Variants in FIBCD1 observed in about 807,000 individuals in gnomAD.
FIBCD1 encodes fibrinogen C domain-containing protein 1.
Under a neutral mutation model 45.1 loss-of-function variants are expected in FIBCD1, and 47 were observed. That is an observed-to-expected ratio of 1.04 (90% CI 0.82 to 1.33). The LOEUF (loss-of-function observed/expected upper bound fraction) is 1.33, where lower values mean the gene tolerates loss of function less well. Ranked by LOEUF, FIBCD1 falls within the 40% of genes most tolerant of loss-of-function variation. The probability of loss-of-function intolerance (pLI) is 0.00; values close to 1 mark genes in which losing one functional copy is unlikely to be tolerated. For missense variants in FIBCD1, 653 were observed against 682.2 expected (o/e 0.96, Z 0.48); for synonymous variants, 313 against 308.1 (o/e 1.02, Z -0.17).
In FIBCD1 at chr9:130,924,984, C is replaced by T. The variant is rs572554784; in HGVS notation, c.553-588G>A. On this transcript the variant is annotated intron_variant, in intron 2 of 6. Transcript: ENST00000372338. ...AGGCTACCAGACATCCCCACCGCTGCCTCTTCCGATCCCGAGCAAGGCTGC... is the reference window on the plus strand; with the variant it reads ...AGGCTACCAGACATCCCCACCGCTGTCTCTTCCGATCCCGAGCAAGGCTGC... 7.9e-5 allele frequency among the ~76,000 whole-genome samples: 12 copies of T among 152,148 alleles called. No individual in the cohort carries two copies. In the South Asian group the frequency reaches 1.2e-3, roughly 16 times the overall value.
chr9:130,927,182 G>A (rs1234602801), intron 2 of FIBCD1, among the ~76,000 whole-genome samples: 1 of 151,982 alleles, frequency 6.6e-6, no homozygotes, highest in Admixed American at 6.6e-5. Flanking sequence ...GGTGGAGGTT[G>A]CAGTAAGCCC....
At chr9:130,907,625 C>T (rs563322006) in intron 5 of FIBCD1, among the ~76,000 whole-genome samples, 12 of 152,162 alleles carry the variant, frequency 7.9e-5, no homozygotes, top group African/African-American at 1.9e-4. Context: ...AAAGCCTGGG[C>T]GCGGTGGCTT....
At chr9:130,939,837 C>G (rs1278957140), upstream of FIBCD1, among the ~76,000 whole-genome samples, 1 of 152,086 alleles carries the variant, frequency 6.6e-6, no homozygotes, top group Non-Finnish European at 1.5e-5. Context: ...TGACAAAGTC[C>G]TTAATCTGCG....
At chr9:130,908,922 T>C (rs1337176481) in intron 5 of FIBCD1, among the ~76,000 whole-genome samples, 1 of 152,006 alleles carries the variant, frequency 6.6e-6, no homozygotes, top group Non-Finnish European at 1.5e-5. Context: ...CGGCCCCGCC[T>C]CACCACCCCA....
intron 2 of FIBCD1, among the ~76,000 whole-genome samples, chr9:130,927,925 T>C (rs1588112053): frequency 6.6e-6 from 1 of 152,222 alleles, no homozygotes; most frequent in South Asian, 2.1e-4. Flanking sequence ...CTTCCCAAAG[T>C]GCTGGGATTA....
chr9:130,931,708 A>C (rs896647426), intron 1 of FIBCD1, among the ~76,000 whole-genome samples: 18 of 152,340 alleles, frequency 1.2e-4, no homozygotes, highest in Admixed American at 5.9e-4. Context: ...CACAAGGGAA[A>C]ACTGAGGCCC....
At chr9:130,939,855 C>G (rs1417450352), upstream of FIBCD1, among the ~76,000 whole-genome samples, 1 of 152,018 alleles carries the variant, frequency 6.6e-6, no homozygotes, top group South Asian at 2.1e-4. Flanking sequence ...GCGCGGCGAA[C>G]GAGCTGCTAT....
intron 4 of FIBCD1, among the ~76,000 whole-genome samples, chr9:130,915,198 CCA>C (rs1832137093): frequency 6.6e-6 from 1 of 152,196 alleles, no homozygotes; most frequent in African/African-American, 2.4e-5. Flanking sequence ...GTCCCTGCAC[CCA>C]CAGTCCTCAG....
chr9:130,904,177 G>A lies in FIBCD1; in HGVS notation c.1273C>T (p.Arg425Cys), dbSNP rs533919875. Residue 425 changes from arginine to cysteine, a missense_variant, in exon 7 of 7, where the codon CGC (arginine) becomes TGC (cysteine). Transcript: ENST00000372338. ...TCGGCATAGGAGGCGTGCGCACCGC[G>A]CAGGTACTGCCCATTGAGGTTGGAC... ...HTSNLNGQYL[R>C]GAHASYADGV... 6.2e-6 allele frequency: 10 copies of A among 1,613,716 alleles called. No individual in the cohort carries two copies. Among genetic ancestry groups the A allele is most frequent in the East Asian group, 2.2e-5 (1 of 44,870 alleles).
intron 1 of FIBCD1, among the ~76,000 whole-genome samples, chr9:130,937,194 T>G (rs1367727110): frequency 1.3e-5 from 2 of 151,788 alleles, no homozygotes; most frequent in Non-Finnish European, 2.9e-5. Context: ...GGGGGAGAAG[T>G]CAGATCTCAG....
rs373795739 is a variant in FIBCD1, at chr9:130,929,682, C to A, written c.437G>T (p.Arg146Leu). The A allele has an allele frequency of 6.9e-6, 11 of 1,603,320 alleles. No homozygotes were observed. The highest frequency in any genetic ancestry group is 9.4e-6 in the Non-Finnish European group (11 of 1,175,728). The change falls in exon 2 of 7, where the codon CGG becomes CTG. Residue 146 changes from arginine to leucine, a missense_variant. By Grantham distance (102) the Arg-to-Leu change is moderately radical. Coordinates refer to ENST00000372338, the MANE Select transcript of FIBCD1 (RefSeq NM_032843.5). Reference protein sequence around the residue: ...LLDTLADQLPRLLARASELQT... With the variant: ...LLDTLADQLPLLLARASELQT... ...CAGCTCTGAGGCTCGGGCCAGCAGC[C>A]GGGGCAGCTGGTCGGCCAGCGTGTC...
At chr9:130,924,691 C>A (rs1832328562) in intron 2 of FIBCD1, among the ~76,000 whole-genome samples, 1 of 152,192 alleles carries the variant, frequency 6.6e-6, no homozygotes, top group Non-Finnish European at 1.5e-5. Context: ...AGGCTGCGTT[C>A]TTCGGCCATC....
Position 130,911,818 on chromosome 9 carries a change from C to T in FIBCD1, c.920G>A (p.Gly307Asp). Reference sequence around the variant, plus strand: ...TAGCCAGTGCTCCCCGGTGAGCCTGCCAAAGCCGTCTCGGTACGCATCCCA... The same window carrying T: ...TAGCCAGTGCTCCCCGGTGAGCCTGTCAAAGCCGTCTCGGTACGCATCCCA... ...RGWDAYRDGF[G>D]RLTGEHWLGL... The change falls in exon 5 of 7, where the codon GGC becomes GAC. Residue 307 changes from glycine to aspartate, a missense_variant. Transcript: ENST00000372338. 6.2e-7 allele frequency: 1 copy of T among 1,604,318 alleles called. No individual in the cohort carries two copies. The highest frequency in any genetic ancestry group is 1.1e-5 in the South Asian group (1 of 89,326).
At chr9:130,925,567 T>G (rs189247182) in intron 2 of FIBCD1, among the ~76,000 whole-genome samples, 226 of 152,198 alleles carry the variant, frequency 1.5e-3, no homozygotes, top group African/African-American at 5.2e-3. Context: ...GCGGGGGGAT[T>G]CAGGAGAGCC....
intron 2 of FIBCD1, 35 bp downstream of exon 2, chr9:130,929,532 C>G: frequency 6.7e-7 from 1 of 1,487,802 alleles, no homozygotes; most frequent in South Asian, 1.4e-5. Context: ...CCCCTCGCCT[C>G]CAGCAAGACC....
intron 4 of FIBCD1, among the ~76,000 whole-genome samples, chr9:130,914,593 A>G (rs1054366312): frequency 1.3e-5 from 2 of 152,182 alleles, no homozygotes; most frequent in African/African-American, 4.8e-5. Context: ...GGGGCAGGTG[A>G]GCTGATGTAC....
rs553113758 is a variant in FIBCD1 at position 130,909,949 on chromosome 9, C to A, written c.946+1843G>T. 9.7e-4 allele frequency among the ~76,000 whole-genome samples: 148 copies of A among 152,350 alleles called. 2 individuals carry two copies. In the Middle Eastern group the frequency reaches 0.017, roughly 18 times the overall value. On this transcript the variant is annotated intron_variant, in intron 5 of 6. Transcript: ENST00000372338. ...AGGAGCCCTGGCTGGTGAGAGGTGACAGCGTGCTGGCAGTCCTCACAGCCC... is the reference window on the plus strand; with the variant it reads ...AGGAGCCCTGGCTGGTGAGAGGTGAAAGCGTGCTGGCAGTCCTCACAGCCC...
chr9:130,911,357 ACT>A (rs1340481599), intron 5 of FIBCD1, among the ~76,000 whole-genome samples: 1 of 152,162 alleles, frequency 6.6e-6, no homozygotes, highest in African/African-American at 2.4e-5. Context: ...TTCTGGACAC[ACT>A]CAGCACCACT....
chr9:130,930,334 G>A (rs777401220), intron 1 of FIBCD1, among the ~76,000 whole-genome samples: 8 of 151,536 alleles, frequency 5.3e-5, no homozygotes, highest in Admixed American at 2.6e-4. Flanking sequence ...ACGGGGAGAC[G>A]CGGGGAGACG....
Sources: gnomAD v4.1 joint callset for allele counts (sites outside exome capture counted in the v4.1 genomes callset) on GRCh38, gnomAD v4.1.1 for gene constraint, MANE v1.5 for transcripts, NCBI Gene and HGNC (gene_info 2026-07-23, HGNC 2026-07-21) for gene names.